FUBP3: variants seen among roughly 807,000 people sequenced by gnomAD.
FUBP3 encodes far upstream element binding protein 3.
In FUBP3, 28 loss-of-function variants were observed where a neutral mutation model predicts 85.6. That is an observed-to-expected ratio of 0.33 (90% CI 0.24 to 0.45). The LOEUF is 0.45. Among genes scored for constraint, FUBP3 ranks in the 20% least tolerant of loss-of-function variants. The pLI is 1.00. For missense variants in FUBP3, 583 were observed against 755.1 expected, an observed-to-expected ratio of 0.77 and a Z score of 2.67; for synonymous variants, 271 against 271.4, an observed-to-expected ratio of 1.00 and a Z score of 0.01.
At chr9:130,587,664 T>C (rs1416290254) in intron 1 of FUBP3, among the ~76,000 whole-genome samples, 1 of 152,210 alleles carries the variant, frequency 6.6e-6, no homozygotes, top group African/African-American at 2.4e-5. Flanking sequence ...CTTGAAACTT[T>C]GAACCACTCC....
chr9:130,601,564 C>T (rs1024023216), intron 2 of FUBP3, among the ~76,000 whole-genome samples: 3 of 152,090 alleles, frequency 2.0e-5, no homozygotes, highest in Non-Finnish European at 4.4e-5. Flanking sequence ...GAAACTATGC[C>T]TGCCTCTTCA....
At chr9:130,588,932 G>C (rs1346551751) in intron 1 of FUBP3, among the ~76,000 whole-genome samples, 1 of 152,196 alleles carries the variant, frequency 6.6e-6, no homozygotes, top group Admixed American at 6.5e-5. Flanking sequence ...GGACCTCTCT[G>C]GGTGGCTGTG....
chr9:130,634,980 C>T (rs1227397721), intron 17 of FUBP3, among the ~76,000 whole-genome samples: 1 of 152,186 alleles, frequency 6.6e-6, no homozygotes, highest in African/African-American at 2.4e-5. Context: ...CTTTATTCTC[C>T]CCGTGCTGGG....
Position 130,612,607 on chromosome 9 carries a change from C to G in FUBP3, c.274+102C>G. 1 of 784,280 alleles carries G rather than the reference C, an allele frequency of 1.3e-6. No homozygotes were observed. Among genetic ancestry groups the G allele is most frequent in the Non-Finnish European group, 2.2e-6 (1 of 448,274 alleles). 48.6% of individuals were successfully genotyped at this position (784,280 alleles called of 1,614,324 possible). A position where few individuals can be genotyped will look rare whatever the true frequency, so the allele number is the denominator to read the frequency against. On this transcript the variant is annotated intron_variant, in intron 4 of 18. Coordinates refer to ENST00000319725, the MANE Select transcript of FUBP3 (RefSeq NM_003934.2). This position sits in a 1 kb window ranked among gnomAD's most constrained non-coding sequence, Gnocchi z 4.1. Reference sequence around the variant, plus strand: ...CAGGATGTTCTTTTTGTTTTAATCTCTCTTGTGAGTATCACCTGTAGTAGA... The same window carrying G: ...CAGGATGTTCTTTTTGTTTTAATCTGTCTTGTGAGTATCACCTGTAGTAGA...
intron 1 of FUBP3, among the ~76,000 whole-genome samples, chr9:130,590,324 G>C (rs529326210): frequency 2.0e-5 from 3 of 152,118 alleles, no homozygotes; most frequent in Non-Finnish European, 4.4e-5. Flanking sequence ...GGTCACATGC[G>C]GGAAGAACTG....
At chr9:130,596,307 T>G (rs969824536) in intron 2 of FUBP3, among the ~76,000 whole-genome samples, 1 of 152,156 alleles carries the variant, frequency 6.6e-6, no homozygotes, top group African/African-American at 2.4e-5. Context: ...GTCGAGTGAG[T>G]CGGTGTCTTC....
At chr9:130,629,378 C>T (rs1187561090) in intron 12 of FUBP3, among the ~76,000 whole-genome samples, 2 of 152,214 alleles carry the variant, frequency 1.3e-5, no homozygotes, top group Non-Finnish European at 2.9e-5. Context: ...TAAACTTAAC[C>T]AACGTCTTCT....
At chr9:130,632,323 C>A in intron 16 of FUBP3, 45 bp downstream of exon 16, 2 of 1,471,228 alleles carry the variant, frequency 1.4e-6, no homozygotes, top group Non-Finnish European at 1.9e-6. Context: ...AGAAAGGTTG[C>A]GGCCCACAGA....
chr9:130,630,614 T>G lies in FUBP3; in HGVS notation c.1118-14T>G. The G allele has an allele frequency of 1.9e-6, 3 of 1,580,780 alleles. No homozygotes were observed. Among genetic ancestry groups the G allele is most frequent in the Non-Finnish European group, 2.6e-6 (3 of 1,164,646 alleles). ...TCTCTGCTTACTCTTCTGCCTGTGTTGTGCTGTCCGCAGGGGGTGAGAACA... is the reference window on the plus strand; with the variant it reads ...TCTCTGCTTACTCTTCTGCCTGTGTGGTGCTGTCCGCAGGGGGTGAGAACA... On this transcript the variant is annotated splice_polypyrimidine_tract_variant and intron_variant, in intron 12 of 18. Coordinates refer to ENST00000319725, the MANE Select transcript of FUBP3 (RefSeq NM_003934.2).
At chr9:130,603,138 A>G (rs7857123) in intron 2 of FUBP3, among the ~76,000 whole-genome samples, 107,524 of 151,936 alleles carry the variant, frequency 0.71, 39,210 homozygotes, top group East Asian at 0.93. Context: ...CCTGAGGTCA[A>G]GAGTTCAAGA....
At chr9:130,601,363 T>A (rs991341300) in intron 2 of FUBP3, among the ~76,000 whole-genome samples, 1 of 152,204 alleles carries the variant, frequency 6.6e-6, no homozygotes, top group Non-Finnish European at 1.5e-5. Context: ...GTATCTCTCC[T>A]GATCAAAGAT....
chr9:130,582,662 A>G (rs1008276166), intron 1 of FUBP3, among the ~76,000 whole-genome samples: 8 of 152,176 alleles, frequency 5.3e-5, no homozygotes, highest in African/African-American at 1.9e-4. Flanking sequence ...GCACTTCTAT[A>G]CTGACTGTCT....
intron 13 of FUBP3, chr9:130,631,073 G>A: frequency 1.9e-6 from 2 of 1,036,590 alleles, no homozygotes; most frequent in Non-Finnish European, 2.4e-6. Flanking sequence ...GGCTGGGGCG[G>A]CAGCCTCCCC....
At chr9:130,620,598 G>T (rs1362716971) in intron 9 of FUBP3, 140 bp downstream of exon 9, 3 of 468,950 alleles carry the variant, frequency 6.4e-6, no homozygotes, top group African/African-American at 4.0e-5. Context: ...CCTTAGGGTG[G>T]GTGTGAGGGT....
At chr9:130,611,796 G>A (rs1220043985) in intron 3 of FUBP3, among the ~76,000 whole-genome samples, 2 of 144,610 alleles carry the variant, frequency 1.4e-5, no homozygotes, top group East Asian at 2.0e-4. Flanking sequence ...AGCCAGTGCA[G>A]TAGTAGTTTA....
intron 12 of FUBP3, among the ~76,000 whole-genome samples, chr9:130,630,328 C>T (rs768076652): frequency 1.3e-5 from 2 of 152,232 alleles, no homozygotes; most frequent in African/African-American, 4.8e-5. Context: ...GGCCTCAGCC[C>T]AGACCTGGTC....
chr9:130,611,673 A>G (rs1036292752), intron 3 of FUBP3, among the ~76,000 whole-genome samples: 2 of 148,366 alleles, frequency 1.3e-5, no homozygotes, highest in African/African-American at 5.0e-5. Context: ...AACTACTTGC[A>G]TTTAGCATCC....
intron 12 of FUBP3, among the ~76,000 whole-genome samples, chr9:130,629,381 C>T (rs563433103): frequency 3.9e-5 from 6 of 152,346 alleles, no homozygotes; most frequent in Admixed American, 2.0e-4. Flanking sequence ...ACTTAACCAA[C>T]GTCTTCTGCA....
At chr9:130,596,426 A>G (rs921752524) in intron 2 of FUBP3, among the ~76,000 whole-genome samples, 3 of 152,222 alleles carry the variant, frequency 2.0e-5, no homozygotes, top group South Asian at 2.1e-4. Flanking sequence ...GTATTATATA[A>G]TCTTTTCTCC....
Sources: gnomAD v4.1 joint callset for allele counts (sites outside exome capture counted in the v4.1 genomes callset) on GRCh38, gnomAD v4.1.1 for gene constraint, Gnocchi (gnomAD v3.1) non-coding constraint, MANE v1.5 for transcripts, NCBI Gene and HGNC (gene_info 2026-07-23, HGNC 2026-07-21) for gene names.